The following NRG4 variants were observed in gnomAD, a reference collection of about 807,000 sequenced individuals.
NRG4 encodes pro-neuregulin-4, membrane-bound isoform.
Under a neutral mutation model 15.0 loss-of-function variants are expected in NRG4, and 10 were observed. That is an observed-to-expected ratio of 0.67 (90% CI 0.41 to 1.13). The LOEUF (loss-of-function observed/expected upper bound fraction) is 1.13, where lower values mean the gene tolerates loss of function less well. NRG4 is among the 50% of genes most tolerant of loss of function. The pLI, the probability that NRG4 is intolerant of heterozygous loss-of-function variation, is 0.00. For missense variants in NRG4, 139 were observed against 140.2 expected, an observed-to-expected ratio of 0.99 and a Z score of 0.04; for synonymous variants, 41 against 50.1, an observed-to-expected ratio of 0.82 and a Z score of 0.77.
At chr15:76,028,737 T>C (rs947625005) in intron 5 of NRG4, among the ~76,000 whole-genome samples, 1 of 151,594 alleles carries the variant, frequency 6.6e-6, no homozygotes, top group East Asian at 1.9e-4. Flanking sequence ...CCCTCTCTAT[T>C]AAAAATACAC....
chr15:75,956,098 T>A lies in NRG4; in HGVS notation c.252-87A>T, dbSNP rs201579437. The A allele has an allele frequency of 1.4e-3, 858 of 609,918 alleles. 2 individuals are homozygous for A. Among genetic ancestry groups the A allele is most frequent in the Non-Finnish European group, 2.0e-3 (692 of 343,700 alleles). The allele number at this position is 609,918 out of a possible 1,614,324, so 37.8% of individuals were successfully genotyped here. A position where few individuals can be genotyped will look rare whatever the true frequency, so the allele number is the denominator to read the frequency against. On this transcript the variant is annotated intron_variant, in intron 4 of 5. Coordinates refer to ENST00000394907, the MANE Select transcript of NRG4 (RefSeq NM_138573.4). ...ACCTAGAAAGAAAGTTTTTTTTTTT[T>A]AATTTCCCTTCTTCCCCCTTTTTAC...
intron 4 of NRG4, among the ~76,000 whole-genome samples, chr15:76,051,386 T>C (rs1327502945): frequency 1.3e-5 from 2 of 150,464 alleles, no homozygotes; most frequent in Admixed American, 6.6e-5. Flanking sequence ...AGCGATCCTC[T>C]CGCCTCAGCT....
intron 5 of NRG4, among the ~76,000 whole-genome samples, chr15:76,026,600 T>C (rs1329620945): frequency 6.6e-6 from 1 of 152,018 alleles, no homozygotes; most frequent in East Asian, 1.9e-4. Flanking sequence ...ATGAAACTAT[T>C]CAACTCACTG....
chr15:75,957,356 C>T (rs2032290178), intron 4 of NRG4, among the ~76,000 whole-genome samples: 1 of 152,168 alleles, frequency 6.6e-6, no homozygotes, highest in Non-Finnish European at 1.5e-5. Flanking sequence ...TACCCTCATT[C>T]CTGAGAGATG....
chr15:76,014,828 CTCT>C (rs1344438000), upstream of NRG4, among the ~76,000 whole-genome samples: 1 of 152,192 alleles, frequency 6.6e-6, no homozygotes, highest in Non-Finnish European at 1.5e-5. Flanking sequence ...GCTACACAGG[CTCT>C]TTTTTGGTTC....
chr15:76,021,427 T>G (rs1259026832), intron 5 of NRG4, among the ~76,000 whole-genome samples: 1 of 152,362 alleles, frequency 6.6e-6, no homozygotes, highest in African/African-American at 2.4e-5. Flanking sequence ...ACCTTTTATA[T>G]GCATTGGGAA....
chr15:76,019,151 C>T (rs1427380773), intron 5 of NRG4, among the ~76,000 whole-genome samples: 2 of 152,144 alleles, frequency 1.3e-5, no homozygotes, highest in Non-Finnish European at 2.9e-5. Context: ...AACACCTACT[C>T]AAGCCTCAGT....
At chr15:75,952,144 A>G (rs1306341985) in intron 5 of NRG4, among the ~76,000 whole-genome samples, 1 of 152,204 alleles carries the variant, frequency 6.6e-6, no homozygotes, top group Non-Finnish European at 1.5e-5. Flanking sequence ...GGCTTTTAGT[A>G]TATTCAGAGT....
chr15:76,013,322 G>A (rs375696778), upstream of NRG4, among the ~76,000 whole-genome samples: 4 of 150,290 alleles, frequency 2.7e-5, no homozygotes, highest in African/African-American at 7.4e-5. Context: ...GTGAGACTCC[G>A]TCTCAAAAAA....
At chr15:75,973,870 T>C (rs1426879911) in intron 3 of NRG4, among the ~76,000 whole-genome samples, 2 of 152,232 alleles carry the variant, frequency 1.3e-5, no homozygotes, top group Non-Finnish European at 2.9e-5. Flanking sequence ...ATCAAGATGA[T>C]GCTGGCCTCA....
chr15:76,036,910 T>C (rs1029997194), intron 4 of NRG4, among the ~76,000 whole-genome samples: 1 of 151,662 alleles, frequency 6.6e-6, no homozygotes, highest in African/African-American at 2.4e-5. Context: ...GAAAAAGAAA[T>C]AAAGAGAATC....
Position 76,005,514 on chromosome 15 carries a change from C to T in NRG4, c.104+3686G>A, listed in dbSNP as rs146756775. Among the ~76,000 whole-genome samples the T allele has an allele frequency of 2.6e-5, 4 of 151,486 alleles. No homozygotes were observed. The East Asian group carries it at 5.8e-4, about 22-fold the overall frequency. ...CAGCCTGGCTAAAATGGCGAAACCC[C>T]GCCTGTACTAAAAACACAAAATTTA... On this transcript the variant is annotated intron_variant, in intron 3 of 5. Coordinates refer to ENST00000394907, the MANE Select transcript of NRG4 (RefSeq NM_138573.4).
downstream of NRG4, chr15:75,937,909 T>C (rs1007080386): frequency 5.9e-5 from 9 of 152,054 alleles, no homozygotes; most frequent in African/African-American, 2.2e-4. Context: ...AAACATAAAA[T>C]AGAACAACTA....
At position 76,012,328 on chromosome 15, in the gene NRG4, A is replaced by G. The variant is rs1216314963; in HGVS notation, c.-66T>C. 10 of 152,214 alleles carry G rather than the reference A, an allele frequency of 6.6e-5. No individual in the cohort carries two copies. The highest frequency in any genetic ancestry group is 6.5e-4 in the Admixed American group (10 of 15,280). The allele number at this position is 152,214 out of a possible 1,614,324, so 9.4% of individuals were successfully genotyped here. On this transcript the variant is annotated 5_prime_UTR_variant, in exon 1 of 6. Transcript: ENST00000394907. The stretch of plus-strand genomic sequence containing the variant: ...CTCAATAAAAACTTACATTCACACA[A>G]AAAATAAATTTTGTTGGACATGCAG...
intron 4 of NRG4, among the ~76,000 whole-genome samples, chr15:75,956,307 C>T (rs539151925): frequency 5.3e-5 from 8 of 152,240 alleles, no homozygotes; most frequent in African/African-American, 1.9e-4. Flanking sequence ...TTTAAGACAA[C>T]AGCAAACCTG....
At chr15:76,011,507 T>C (rs1281293771) in intron 1 of NRG4, among the ~76,000 whole-genome samples, 1 of 152,206 alleles carries the variant, frequency 6.6e-6, no homozygotes, top group Non-Finnish European at 1.5e-5. Flanking sequence ...GTACTTAATA[T>C]AAATCATTGC....
At chr15:75,951,169 T>TTC (rs1555429654) in intron 5 of NRG4, 4 of 131,354 alleles carry the variant, frequency 3.0e-5, no homozygotes, top group Non-Finnish European at 4.8e-5. Flanking sequence ...TTTTCTTTTT[T>TTC]TTTTTTTTTT....
chr15:76,036,193 C>T (rs1213779510), intron 4 of NRG4, among the ~76,000 whole-genome samples: 2 of 152,208 alleles, frequency 1.3e-5, no homozygotes, highest in Non-Finnish European at 2.9e-5. Flanking sequence ...AAAAATTTCA[C>T]TAAGGTTCTA....
intron 4 of NRG4, 110 bp downstream of exon 4, chr15:75,961,718 C>T (rs1042895017): frequency 1.6e-5 from 12 of 763,880 alleles, no homozygotes; most frequent in Non-Finnish European, 1.7e-5. Context: ...GATAACTAAA[C>T]ATAATACAGT....
Sources: gnomAD v4.1 joint callset for allele counts (sites outside exome capture counted in the v4.1 genomes callset) on GRCh38, gnomAD v4.1.1 for gene constraint, MANE v1.5 for transcripts, NCBI Gene and HGNC (gene_info 2026-07-23, HGNC 2026-07-21) for gene names.